Variants in OCM observed in about 807,000 individuals in gnomAD.
OCM encodes the protein oncomodulin.
In OCM, 18 loss-of-function variants were observed where a neutral mutation model predicts 14.1. The ratio of observed to expected loss-of-function variants is 1.28; its 90% CI spans 0.88 to 1.89. OCM has a LOEUF of 1.89. Ranked by LOEUF, OCM falls within the 40% of genes most tolerant of loss-of-function variation. The pLI, the probability that OCM is intolerant of heterozygous loss-of-function variation, is 0.00. For synonymous variants in OCM, 48 were observed against 51.0 expected (o/e 0.94, Z 0.25); for missense variants, 140 against 137.6 (o/e 1.02, Z -0.09).
chr7:5,862,307 A>G, the OCM span, among the ~76,000 whole-genome samples: 1 of 152,086 alleles, frequency 6.6e-6, no homozygotes, highest in South Asian at 2.1e-4. Context: ...CTGTATTTTC[A>G]TAACCCCATG....
chr7:5,884,936 A>G (rs1014406036), intron 3 of OCM, among the ~76,000 whole-genome samples: 1 of 152,016 alleles, frequency 6.6e-6, no homozygotes, highest in Non-Finnish European at 1.5e-5. Context: ...ACTGACCAAC[A>G]TGGTGAACCC....
rs532830137 is a variant in OCM, at chr7:5,880,806, C to T, written c.-84C>T. 8.4e-6 allele frequency: 11 copies of T among 1,306,790 alleles called. No individual in the cohort carries two copies. Among genetic ancestry groups the T allele is most frequent in the East Asian group, 2.3e-5 (1 of 42,862 alleles). 80.9% of individuals were successfully genotyped at this position (1,306,790 alleles called of 1,614,324 possible). On this transcript the variant is annotated 5_prime_UTR_variant, in exon 1 of 4. Transcript: ENST00000242104. The stretch of plus-strand genomic sequence containing the variant: ...AGACACACATACAGTTTCAGTGGGC[C>T]TGGGAAGATGTGTTTCCCCTGGATG...
At chr7:5,862,995 G>T in the OCM span, among the ~76,000 whole-genome samples, 1 of 152,006 alleles carries the variant, frequency 6.6e-6, no homozygotes, top group African/African-American at 2.4e-5. Flanking sequence ...TTTATCTTAT[G>T]TAAAATGTAG....
At chr7:5,875,649 A>G (rs1781080309), upstream of OCM, among the ~76,000 whole-genome samples, 1 of 151,962 alleles carries the variant, frequency 6.6e-6, no homozygotes, top group Non-Finnish European at 1.5e-5. Flanking sequence ...AAATAGCATG[A>G]ACATAAAAAG....
At chr7:5,877,746 G>A (rs959339173), upstream of OCM, among the ~76,000 whole-genome samples, 5 of 145,666 alleles carry the variant, frequency 3.4e-5, no homozygotes, top group Non-Finnish European at 7.5e-5. Flanking sequence ...CTTGAACCTG[G>A]GAGGTGGAGG....
the OCM span, among the ~76,000 whole-genome samples, chr7:5,865,456 TAGAC>T: frequency 1.3e-5 from 2 of 152,156 alleles, no homozygotes; most frequent in Admixed American, 6.5e-5. Context: ...CCCAACTCAT[TAGAC>T]AGAGGGCAGC....
chr7:5,874,223 CAAAAAAA>C, the OCM span, among the ~76,000 whole-genome samples: 1 of 31,492 alleles, frequency 3.2e-5, no homozygotes, highest in Admixed American at 5.2e-4. Flanking sequence ...GACTCTGTCT[CAAAAAAA>C]AAAAAAAAAA....
the OCM span, among the ~76,000 whole-genome samples, chr7:5,866,221 A>T: frequency 1.1e-3 from 161 of 150,996 alleles, no homozygotes; most frequent in African/African-American, 3.8e-3. Flanking sequence ...GGTACTTTAG[A>T]GGTTGAGGTG....
chr7:5,874,888 CATCTT>C (rs1463249277), upstream of OCM, among the ~76,000 whole-genome samples: 1 of 151,976 alleles, frequency 6.6e-6, no homozygotes, highest in African/African-American at 2.4e-5. Flanking sequence ...AGAACTTTCT[CATCTT>C]CCCAATCTGA....
rs1275833911 is a variant in OCM, at chr7:5,882,636, T to A, written c.194+11T>A. 3 of 1,613,848 alleles carry A rather than the reference T, an allele frequency of 1.9e-6. No individual in the cohort carries two copies. In the African/African-American group the frequency reaches 4.0e-5, roughly 22 times the overall value. ...TGAAGAAGAGCTTAAGTAAGCTTTG[T>A]CCTGAGTCTGTCTGGTACCCGGCAC... is the stretch of plus-strand genomic sequence containing the variant. On this transcript the variant is annotated intron_variant, in intron 2 of 3. Transcript: ENST00000242104.
At chr7:5,876,399 C>T (rs1397730264), upstream of OCM, among the ~76,000 whole-genome samples, 1 of 152,188 alleles carries the variant, frequency 6.6e-6, no homozygotes, top group Non-Finnish European at 1.5e-5. Flanking sequence ...AATCCTCCCA[C>T]CTTGGCCTCC....
chr7:5,883,951 T>A lies in OCM; in HGVS notation c.256T>A (p.Leu86Met). Reference protein sequence around the residue: ...RELTESETKSLMAAADNDGDG... With the variant: ...RELTESETKSMMAAADNDGDG... ...ACTGACCGAGTCAGAAACCAAGTCC[T>A]TGATGGCTGCGGCGGATAATGATGG... Residue 86 changes from leucine (L) to methionine (M), a missense_variant, in exon 3 of 4, where the codon TTG becomes ATG. By Grantham distance (15) the Leu-to-Met change is conservative. Transcript: ENST00000242104. 1 of 1,613,574 alleles carries A rather than the reference T, an allele frequency of 6.2e-7. No individual in the cohort carries two copies. Among genetic ancestry groups the A allele is most frequent in the Non-Finnish European group, 8.5e-7 (1 of 1,179,764 alleles).
the OCM span, among the ~76,000 whole-genome samples, chr7:5,868,033 C>T: frequency 1.2e-4 from 19 of 152,156 alleles, no homozygotes; most frequent in South Asian, 6.2e-4. Flanking sequence ...CCACCGCACC[C>T]GGCATCTTTT....
the OCM span, among the ~76,000 whole-genome samples, chr7:5,863,318 C>G: frequency 6.6e-6 from 1 of 152,228 alleles, no homozygotes; most frequent in South Asian, 2.1e-4. Context: ...TGTCCTCAAA[C>G]TGCTGCATCA....
At chr7:5,883,212 G>A (rs1184501469) in intron 2 of OCM, among the ~76,000 whole-genome samples, 2 of 152,276 alleles carry the variant, frequency 1.3e-5, no homozygotes, top group South Asian at 2.1e-4. Flanking sequence ...TTGGCTAAGC[G>A]CAGTGGCTCA....
the OCM span, among the ~76,000 whole-genome samples, chr7:5,866,716 T>C: frequency 5.3e-5 from 8 of 152,178 alleles, no homozygotes; most frequent in Admixed American, 2.6e-4. Flanking sequence ...TTTACTGATA[T>C]GTGGTGGATA....
At chr7:5,867,892 C>T in the OCM span, among the ~76,000 whole-genome samples, 1 of 151,886 alleles carries the variant, frequency 6.6e-6, no homozygotes, top group Admixed American at 6.6e-5. Context: ...GGGACCACCA[C>T]ACCTGGCTAC....
At chr7:5,870,190 T>G in the OCM span, among the ~76,000 whole-genome samples, 1 of 152,158 alleles carries the variant, frequency 6.6e-6, no homozygotes, top group Admixed American at 6.6e-5. Flanking sequence ...CACTGCAGCC[T>G]TGATCTCCCA....
At chr7:5,878,563 G>A (rs958461388), upstream of OCM, among the ~76,000 whole-genome samples, 8 of 150,842 alleles carry the variant, frequency 5.3e-5, no homozygotes, top group Non-Finnish European at 1.2e-4. Flanking sequence ...TGGCTAACAC[G>A]GTGAAACCCT....
Sources: allele counts gnomAD v4.1 joint callset (sites outside exome capture counted in the v4.1 genomes callset), GRCh38; gene constraint gnomAD v4.1.1; transcripts MANE v1.5; gene names NCBI Gene and HGNC (gene_info 2026-07-23, HGNC 2026-07-21).